The following SLC25A34 variants were observed in gnomAD, a reference collection of about 807,000 sequenced individuals.
The protein encoded by SLC25A34 is solute carrier family 25, member 34.
In SLC25A34, 26 loss-of-function variants were observed where a neutral mutation model predicts 28.1. The observed-to-expected ratio is 0.93, with a 90% CI of 0.68 to 1.28. The LOEUF (loss-of-function observed/expected upper bound fraction) is 1.28, where lower values mean the gene tolerates loss of function less well. Ranked by LOEUF, SLC25A34 falls within the 50% of genes most tolerant of loss-of-function variation. SLC25A34 has a pLI of 0.00. For synonymous variants in SLC25A34, 182 were observed against 182.2 expected, an observed-to-expected ratio of 1.00 and a Z score of 0.01; for missense variants, 384 against 409.8, an observed-to-expected ratio of 0.94 and a Z score of 0.54.
Position 15,740,308 on chromosome 1 carries a change from C to T in SLC25A34, c.*902C>T, listed in dbSNP as rs2068268075. The T allele has an allele frequency of 6.7e-6, 1 of 149,344 alleles. No individual in the cohort carries two copies. Among genetic ancestry groups the T allele is most frequent in the Non-Finnish European group, 1.5e-5 (1 of 67,588 alleles). The allele number at this position is 149,344 out of a possible 1,614,324, so 9.3% of individuals were successfully genotyped here. On this transcript the variant is annotated 3_prime_UTR_variant, in exon 5 of 5. Transcript: ENST00000294454. Reference sequence around the variant, plus strand: ...TTTTTTTTTTTTTGAGATGAAGTCTCACTCTGCCACCCAAGCTGGAGTGCA... The same window carrying T: ...TTTTTTTTTTTTTGAGATGAAGTCTTACTCTGCCACCCAAGCTGGAGTGCA...
intron 1 of SLC25A34, among the ~76,000 whole-genome samples, chr1:15,737,592 G>GAAAA (rs1249667300): frequency 3.3e-5 from 5 of 149,262 alleles, no homozygotes; most frequent in Non-Finnish European, 7.4e-5. Flanking sequence ...AGGAAAGAAA[G>GAAAA]AAAAAAAAAG....
rs904148160 is a variant in SLC25A34 at position 15,739,518 on chromosome 1, G to C, written c.*112G>C. ...CGGGCCATGGGCCCAGGCCCTGCCA[G>C]AGGTCCCGGGAGAGTGTGGACAGCT... On this transcript the variant is annotated 3_prime_UTR_variant, in exon 5 of 5. Coordinates refer to ENST00000294454, the MANE Select transcript of SLC25A34 (RefSeq NM_207348.3). 7.8e-7 allele frequency: 1 copy of C among 1,279,276 alleles called. No homozygotes were observed. Among genetic ancestry groups the C allele is most frequent in the Admixed American group, 3.1e-5 (1 of 32,768 alleles). The allele number at this position is 1,279,276 out of a possible 1,614,324, so 79.2% of individuals were successfully genotyped here.
rs780964566 is a variant in SLC25A34, at chr1:15,736,785, G to A, written c.300G>A (p.Thr100=). 3.0e-5 allele frequency: 48 copies of A among 1,605,040 alleles called. No homozygotes were observed. Among genetic ancestry groups the A allele is most frequent in the South Asian group, 2.4e-4 (22 of 90,644 alleles). ...GCCTGGCGTGCCAGGCTGGCCTCAC[G>A]CAGCAACCAGGTGGCACCGTGGTTG... ...CYSLACQAGL[T]QQPGGTVVAG... Residue 100 remains threonine, a synonymous_variant, in exon 1 of 5, where the codon ACG becomes ACA. Transcript: ENST00000294454.
rs80141332 is a variant in SLC25A34, at chr1:15,740,296, G to C, written c.*890G>C. On this transcript the variant is annotated 3_prime_UTR_variant, in exon 5 of 5. Coordinates refer to ENST00000294454, the MANE Select transcript of SLC25A34 (RefSeq NM_207348.3). Reference sequence around the variant, plus strand: ...CACTTTAATTTTTTTTTTTTTTTTTGAGATGAAGTCTCACTCTGCCACCCA... The same window carrying C: ...CACTTTAATTTTTTTTTTTTTTTTTCAGATGAAGTCTCACTCTGCCACCCA... 1 of 99,822 alleles carries C rather than the reference G, an allele frequency of 1.0e-5. No homozygotes were observed. The highest frequency in any genetic ancestry group is 2.1e-5 in the Non-Finnish European group (1 of 47,986). The allele number at this position is 99,822 out of a possible 1,614,324, so 6.2% of individuals were successfully genotyped here.
chr1:15,738,862 T>G, intron 4 of SLC25A34, 134 bp downstream of exon 4: 5 of 1,205,120 alleles, frequency 4.1e-6, no homozygotes, highest in Non-Finnish European at 5.5e-6. Flanking sequence ...AGGCCAGGTA[T>G]GCAAACACAT....
rs2068274297 is a variant in SLC25A34, at chr1:15,740,936, G to C, written c.*1530G>C. On this transcript the variant is annotated 3_prime_UTR_variant, in exon 5 of 5. Coordinates refer to ENST00000294454, the MANE Select transcript of SLC25A34 (RefSeq NM_207348.3). ...ATGCCTGACCTTGCCGCCCGCCTCGGCCTCCCAAAATGCTGGGATTACAGG... is the reference window on the plus strand; with the variant it reads ...ATGCCTGACCTTGCCGCCCGCCTCGCCCTCCCAAAATGCTGGGATTACAGG... The C allele has an allele frequency of 6.6e-6, 1 of 152,284 alleles. No homozygotes were observed. The highest frequency in any genetic ancestry group is 2.4e-5 in the African/African-American group (1 of 41,454). The allele number at this position is 152,284 out of a possible 1,614,324, so 9.4% of individuals were successfully genotyped here. A position where few individuals can be genotyped will look rare whatever the true frequency, so the allele number is the denominator to read the frequency against.
Position 15,738,107 on chromosome 1 carries a change from C to T in SLC25A34, c.459C>T (p.Ala153=), listed in dbSNP as rs2068243358. Residue 153 remains alanine, a synonymous_variant, in exon 3 of 5, where the codon GCC becomes GCT. Coordinates refer to ENST00000294454, the MANE Select transcript of SLC25A34 (RefSeq NM_207348.3). Reference sequence around the variant, plus strand: ...TCTCCCCACAGACTGTCCTGGGTGCCTTGGAGACCATCTGGCGGCAGCAAG... The same window carrying T: ...TCTCCCCACAGACTGTCCTGGGTGCTTTGGAGACCATCTGGCGGCAGCAAG... The part of the protein sequence containing the change: ...HQHNHQTVLG[A]LETIWRQQGL... 4 of 1,606,402 alleles carry T rather than the reference C, an allele frequency of 2.5e-6. No individual in the cohort carries two copies. The highest frequency in any genetic ancestry group is 1.7e-5 in the Admixed American group (1 of 59,540).
rs761508911 is a variant in SLC25A34 at position 15,739,355 on chromosome 1, C to T, written c.864C>T (p.Phe288=). 6.3e-7 allele frequency: 1 copy of T among 1,587,004 alleles called. No individual in the cohort carries two copies. Among genetic ancestry groups the T allele is most frequent in the Non-Finnish European group, 8.6e-7 (1 of 1,166,138 alleles). ...LGPHTILSML[F]WDELRKLAGR... is the part of the protein sequence containing the mutation. ...CCCACACCATCCTCAGCATGCTCTT[C>T]TGGGACGAGCTTCGGAAACTGGCTG... is the stretch of plus-strand genomic sequence containing the variant. Residue 288 remains phenylalanine (F), a synonymous_variant, in exon 5 of 5, where the codon TTC becomes TTT. Transcript: ENST00000294454.
chr1:15,738,294 G>A (rs770272721), intron 3 of SLC25A34, 49 bp downstream of exon 3: 13 of 1,532,668 alleles, frequency 8.5e-6, no homozygotes, highest in Non-Finnish European at 1.1e-5. Flanking sequence ...ACACCGGACT[G>A]AGGGGGGCCA....
In SLC25A34 at chr1:15,739,294, ACAAGGG is replaced by A. The variant is rs2068257748; in HGVS notation, c.805_810del (p.Lys269_Gly270del). The A allele has an allele frequency of 1.2e-6, 2 of 1,611,900 alleles. No individual in the cohort carries two copies. Among genetic ancestry groups the A allele is most frequent in the Non-Finnish European group, 1.7e-6 (2 of 1,179,436 alleles). ...CGGCAGGAGGGCCCCCTGGCACTCTACAAGGGCCTGGGCCCCGCCTACCTGCGCCTG... is the reference window on the plus strand; with the variant it reads ...CGGCAGGAGGGCCCCCTGGCACTCTACCTGGGCCCCGCCTACCTGCGCCTG... On this transcript the variant is annotated inframe_deletion, in exon 5 of 5. Transcript: ENST00000294454.
chr1:15,736,669 C>G lies in SLC25A34; in HGVS notation c.184C>G (p.Arg62Gly), dbSNP rs774915692. ...GFIASVAAVA[R>G]ADGLWGLQKG... Reference sequence around the variant, plus strand: ...CATAGCCTCTGTCGCTGCTGTGGCCCGAGCAGACGGGCTGTGGGGCCTGCA... The same window carrying G: ...CATAGCCTCTGTCGCTGCTGTGGCCGGAGCAGACGGGCTGTGGGGCCTGCA... The change falls in exon 1 of 5, where the codon CGA (arginine) becomes GGA (glycine). Residue 62 changes from arginine (R) to glycine (G), a missense_variant. Physicochemically the swap from Arg to Gly is moderately radical, Grantham distance 125. Transcript: ENST00000294454. The G allele has an allele frequency of 6.2e-7, 1 of 1,603,592 alleles. No homozygotes were observed. The highest frequency in any genetic ancestry group is 8.5e-7 in the Non-Finnish European group (1 of 1,176,212).
chr1:15,739,121 T>C, intron 4 of SLC25A34, 103 bp from the exon 5 acceptor site: 1 of 1,419,494 alleles, frequency 7.0e-7, no homozygotes, highest in Non-Finnish European at 9.7e-7. Context: ...AAAGGTGCTG[T>C]CCATAGGGTG....
chr1:15,737,736 C>A, intron 1 of SLC25A34, 193 bp from the exon 2 acceptor site: 1 of 607,938 alleles, frequency 1.6e-6, no homozygotes, highest in Non-Finnish European at 2.9e-6. Context: ...CTCCAAGTCA[C>A]ACTGAGACGC....
chr1:15,738,749 G>A (rs1256036977), intron 4 of SLC25A34, 21 bp downstream of exon 4: 3 of 1,519,536 alleles, frequency 2.0e-6, no homozygotes, highest in Non-Finnish European at 8.8e-7. Context: ...GCGGGTCTAG[G>A]GGAGACCGTG....
intron 3 of SLC25A34, 140 bp downstream of exon 3, chr1:15,738,385 C>A (rs1334469236): frequency 2.3e-6 from 3 of 1,325,212 alleles, no homozygotes; most frequent in Non-Finnish European, 3.0e-6. Flanking sequence ...GTGACTCCGG[C>A]CCTTGGTACC....
At position 15,741,099 on chromosome 1, in the gene SLC25A34, G is replaced by A. The variant is rs951105274; in HGVS notation, c.*1693G>A. On this transcript the variant is annotated 3_prime_UTR_variant, in exon 5 of 5. Coordinates refer to ENST00000294454, the MANE Select transcript of SLC25A34 (RefSeq NM_207348.3). The stretch of plus-strand genomic sequence containing the variant: ...CTCCGGGTGCCCATTGTTCAGTCCA[G>A]GTGCCCATTGTTCCCGGGACTGAGG... 3 of 152,444 alleles carry A rather than the reference G, an allele frequency of 2.0e-5. No homozygotes were observed. The highest frequency in any genetic ancestry group is 7.2e-5 in the African/African-American group (3 of 41,452). The allele number at this position is 152,444 out of a possible 1,614,324, so 9.4% of individuals were successfully genotyped here.
rs1359130231 is a variant in SLC25A34, at chr1:15,738,814, T to TCA, written c.732+90_732+91dup. 38 of 580,328 alleles carry TCA rather than the reference T, an allele frequency of 6.5e-5. No homozygotes were observed. The East Asian group carries it at 2.8e-3, about 43-fold the overall frequency. The allele number at this position is 580,328 out of a possible 1,614,324, so 35.9% of individuals were successfully genotyped here. ...CACACACACACACACTCTCACACAC[T>TCA]CACACTCACACATGCACAGCCAGAG... On this transcript the variant is annotated intron_variant, in intron 4 of 4. Coordinates refer to ENST00000294454, the MANE Select transcript of SLC25A34 (RefSeq NM_207348.3).
Position 15,740,314 on chromosome 1 carries a change from G to C in SLC25A34, c.*908G>C, listed in dbSNP as rs1237057798. 6.8e-6 allele frequency: 1 copy of C among 146,010 alleles called. No homozygotes were observed. Among genetic ancestry groups the C allele is most frequent in the Non-Finnish European group, 1.5e-5 (1 of 67,110 alleles). 9.0% of individuals were successfully genotyped at this position (146,010 alleles called of 1,614,324 possible). A position where few individuals can be genotyped will look rare whatever the true frequency, so the allele number is the denominator to read the frequency against. ...TTTTTTTGAGATGAAGTCTCACTCTGCCACCCAAGCTGGAGTGCAGTGGCA... is the reference window on the plus strand; with the variant it reads ...TTTTTTTGAGATGAAGTCTCACTCTCCCACCCAAGCTGGAGTGCAGTGGCA... On this transcript the variant is annotated 3_prime_UTR_variant, in exon 5 of 5. Transcript: ENST00000294454.
chr1:15,737,338 G>T (rs1038622934), intron 1 of SLC25A34, among the ~76,000 whole-genome samples: 1 of 152,212 alleles, frequency 6.6e-6, no homozygotes, highest in Non-Finnish European at 1.5e-5. Context: ...GGAGGCCGAG[G>T]CGGGCAGATC....
Sources: allele counts gnomAD v4.1 joint callset (sites outside exome capture counted in the v4.1 genomes callset), GRCh38; gene constraint gnomAD v4.1.1; transcripts MANE v1.5; gene names NCBI Gene and HGNC (gene_info 2026-07-23, HGNC 2026-07-21).